The following PACRG variants were observed in gnomAD, a reference collection of about 807,000 sequenced individuals.
PACRG encodes parkin coregulated gene protein.
Under a neutral mutation model 29.7 loss-of-function variants are expected in PACRG, and 29 were observed. That is an observed-to-expected ratio of 0.98 (90% confidence interval 0.73 to 1.33). PACRG has a LOEUF of 1.33. Among genes scored for constraint, PACRG ranks in the 40% most tolerant of loss-of-function variants. The probability of loss-of-function intolerance (pLI) is 0.00; values close to 1 mark genes in which losing one functional copy is unlikely to be tolerated. For synonymous variants in PACRG, 116 were observed against 118.7 expected, an observed-to-expected ratio of 0.98 and a Z score of 0.15; for missense variants, 279 against 316.2, an observed-to-expected ratio of 0.88 and a Z score of 0.89.
chr6:162,994,806 G>GGA (rs1803812792), intron 2 of PACRG, among the ~76,000 whole-genome samples: 2 of 151,224 alleles, frequency 1.3e-5, no homozygotes, highest in South Asian at 4.2e-4. Flanking sequence ...CTTTGGAGGA[G>GGA]GAGAGGCGCT....
rs111962272 is a variant in PACRG at position 162,780,257 on chromosome 6, C to A, written c.157-33890C>A. Among the ~76,000 whole-genome samples, 15 of 152,222 alleles carry A rather than the reference C, an allele frequency of 9.9e-5. No homozygotes were observed. The South Asian group carries it at 1.7e-3, about 17-fold the overall frequency. On this transcript the variant is annotated intron_variant, in intron 1 of 4. Coordinates refer to ENST00000366888, the MANE Select transcript of PACRG (RefSeq NM_001080379.2). ...CATTGAGTAGAGTTCTAAAAAGGAT[C>A]CTCCCACACTAAGAGGGAAAAATGA...
chr6:162,987,102 A>C (rs954480958), intron 2 of PACRG, among the ~76,000 whole-genome samples: 2 of 152,026 alleles, frequency 1.3e-5, no homozygotes, highest in African/African-American at 4.8e-5. Flanking sequence ...CTGTTTTGTC[A>C]TATTACCAGA....
intron 4 of PACRG, among the ~76,000 whole-genome samples, chr6:163,303,845 T>C (rs11967702): frequency 0.29 from 43,646 of 150,820 alleles, 7,067 homozygotes; most frequent in African/African-American, 0.44. Context: ...CCCATCTCTA[T>C]TAAAGAAAAA....
chr6:162,847,139 A>G (rs1790473808), intron 2 of PACRG, among the ~76,000 whole-genome samples: 1 of 144,290 alleles, frequency 6.9e-6, no homozygotes, highest in Admixed American at 7.2e-5. Context: ...GATGCTCCCC[A>G]CACTGACTCC....
At position 163,004,735 on chromosome 6, in the gene PACRG, T is replaced by TAC. The variant is rs752824819; in HGVS notation, c.292-57414_292-57413insCA. Among the ~76,000 whole-genome samples the TAC allele has an allele frequency of 8.6e-3, 1,183 of 138,024 alleles. 22 individuals carry two copies. Among genetic ancestry groups the TAC allele is most frequent in the African/African-American group, 0.035 (1,120 of 31,628 alleles). The allele number at this position is 138,024 out of a possible 152,430, so 90.5% of individuals were successfully genotyped here. On this transcript the variant is annotated intron_variant, in intron 2 of 4. Transcript: ENST00000366888. ...GTGTGTGTGTGTGTGTGTATATATA[T>TAC]ATACACACACACACACACACATATC...
At chr6:162,966,205 T>G (rs1584892797) in intron 2 of PACRG, among the ~76,000 whole-genome samples, 4 of 152,232 alleles carry the variant, frequency 2.6e-5, no homozygotes, top group Non-Finnish European at 5.9e-5. Flanking sequence ...TCTTATTTCC[T>G]AAGACATCTT....
intron 4 of PACRG, among the ~76,000 whole-genome samples, chr6:163,286,505 T>C (rs1265540270): frequency 6.6e-6 from 1 of 152,228 alleles, no homozygotes; most frequent in African/African-American, 2.4e-5. Flanking sequence ...CCTTTCAAAG[T>C]GTTAAAAAAC....
intron 4 of PACRG, among the ~76,000 whole-genome samples, chr6:163,274,572 G>T (rs886795697): frequency 6.6e-6 from 1 of 152,168 alleles, no homozygotes; most frequent in Non-Finnish European, 1.5e-5. Context: ...GGGTCAAATG[G>T]TATTTCTAGT....
At chr6:163,173,600 ACGCTCTC>A (rs1779202139) in intron 4 of PACRG, among the ~76,000 whole-genome samples, 1 of 152,170 alleles carries the variant, frequency 6.6e-6, no homozygotes, top group African/African-American at 2.4e-5. Flanking sequence ...TGAGAGAATC[ACGCTCTC>A]CGCTCTCCCC....
chr6:163,247,810 C>G (rs1329842967), intron 4 of PACRG, among the ~76,000 whole-genome samples: 5 of 152,186 alleles, frequency 3.3e-5, no homozygotes, highest in African/African-American at 1.2e-4. Flanking sequence ...AGCTATTTGT[C>G]TCTTTCCGTT....
chr6:163,151,346 A>T (rs950179440), intron 4 of PACRG, among the ~76,000 whole-genome samples: 2 of 152,156 alleles, frequency 1.3e-5, no homozygotes, highest in Non-Finnish European at 2.9e-5. Flanking sequence ...TGTGAGAGCA[A>T]ATTCCACAGT....
At chr6:163,196,924 CAGATAG>C (rs1416873317) in intron 4 of PACRG, among the ~76,000 whole-genome samples, 3 of 144,974 alleles carry the variant, frequency 2.1e-5, no homozygotes, top group African/African-American at 8.2e-5. Flanking sequence ...ACAGACTAGA[CAGATAG>C]ATAGATAGAT....
Position 163,266,222 on chromosome 6 carries a change from T to C in PACRG, c.614-48605T>C, listed in dbSNP as rs111939238. On this transcript the variant is annotated intron_variant, in intron 4 of 4. Coordinates refer to ENST00000366888, the MANE Select transcript of PACRG (RefSeq NM_001080379.2). Reference sequence around the variant, plus strand: ...AAGTGGAAATGTCCATTCTTTATTCTTTCAGAACAGATAAAAATACTGTAA... The same window carrying C: ...AAGTGGAAATGTCCATTCTTTATTCCTTCAGAACAGATAAAAATACTGTAA... 1.5e-3 allele frequency among the ~76,000 whole-genome samples: 227 copies of C among 152,342 alleles called. 1 individual carries two copies. Among genetic ancestry groups the C allele is most frequent in the African/African-American group, 5.0e-3 (210 of 41,590 alleles).
rs537228460 is a variant in PACRG, at chr6:163,204,421, C to A, written c.614-110406C>A. On this transcript the variant is annotated intron_variant, in intron 4 of 4. Coordinates refer to ENST00000366888, the MANE Select transcript of PACRG (RefSeq NM_001080379.2). ...CTTTTCCCCTTGGTTTAATATTTTT[C>A]TGTGTGTTTTTATATGCATATGGGA... Among the ~76,000 whole-genome samples, 62 of 152,148 alleles carry A rather than the reference C, an allele frequency of 4.1e-4. 1 individual carries two copies. Among genetic ancestry groups the A allele is most frequent in the Non-Finnish European group, 6.2e-4 (42 of 68,020 alleles).
At chr6:163,044,988 C>G (rs1809182895) in intron 2 of PACRG, among the ~76,000 whole-genome samples, 1 of 152,134 alleles carries the variant, frequency 6.6e-6, no homozygotes, top group Non-Finnish European at 1.5e-5. Flanking sequence ...AGCTGTTTAA[C>G]TGGGTAAAGT....
At chr6:163,086,310 C>T (rs991707228) in intron 3 of PACRG, among the ~76,000 whole-genome samples, 1 of 152,208 alleles carries the variant, frequency 6.6e-6, no homozygotes, top group African/African-American at 2.4e-5. Context: ...TTCCTCCTCA[C>T]CTTCTCATGG....
rs192520850 is a variant in PACRG, at chr6:163,242,227, C to T, written c.614-72600C>T. Among the ~76,000 whole-genome samples the T allele has an allele frequency of 2.6e-4, 40 of 152,250 alleles. No individual in the cohort carries two copies. The East Asian group carries it at 6.0e-3, about 23-fold the overall frequency. The stretch of plus-strand genomic sequence containing the variant: ...CCTACTGAGTCGAAATTCCATTTTC[C>T]GTCTCCTCACAGCATTTCAGAGAAA... On this transcript the variant is annotated intron_variant, in intron 4 of 4. Transcript: ENST00000366888.
At chr6:162,892,039 C>T (rs938615078) in intron 2 of PACRG, 1 of 152,456 alleles carries the variant, frequency 6.6e-6, no homozygotes, top group African/African-American at 2.4e-5. Flanking sequence ...CAAGGCCCCC[C>T]CTGCTCCTGG....
chr6:162,727,753 C>A, upstream of PACRG: 1 of 1,423,100 alleles, frequency 7.0e-7, no homozygotes, highest in Non-Finnish European at 9.7e-7. Flanking sequence ...AGCGGCTCTC[C>A]TGGGTTAAAT....
Sources: allele counts gnomAD v4.1 joint callset (sites outside exome capture counted in the v4.1 genomes callset), GRCh38; gene constraint gnomAD v4.1.1; transcripts MANE v1.5; gene names NCBI Gene and HGNC (gene_info 2026-07-23, HGNC 2026-07-21).